CNTN3: variants seen among roughly 807,000 people sequenced by gnomAD.
CNTN3 encodes contactin-3.
A neutral mutation model predicts 119.1 loss-of-function variants in CNTN3; 60 were observed. The observed-to-expected ratio is 0.50, with a 90% confidence interval of 0.41 to 0.62. CNTN3 has a LOEUF of 0.62. CNTN3 is among the 20% of genes least tolerant of loss of function. The pLI, the probability that CNTN3 is intolerant of heterozygous loss-of-function variation, is 0.00. For missense variants in CNTN3, 1,101 were observed against 1,242.4 expected, an observed-to-expected ratio of 0.89 and a Z score of 1.71; for synonymous variants, 450 against 438.7, an observed-to-expected ratio of 1.03 and a Z score of -0.32.
At chr3:74,302,594 C>T (rs916944603) in intron 14 of CNTN3, 96 bp downstream of exon 14, 6 of 722,538 alleles carry the variant, frequency 8.3e-6, no homozygotes, top group African/African-American at 5.2e-5. Context: ...TATTATAACT[C>T]GTATGCTCAC....
At chr3:74,403,996 T>TCTATTCTG (rs373965711) in intron 5 of CNTN3, among the ~76,000 whole-genome samples, 4 of 152,126 alleles carry the variant, frequency 2.6e-5, no homozygotes, top group African/African-American at 9.7e-5. Context: ...AATACTTTCA[T>TCTATTCTG]CTATTCTGCT....
At chr3:74,338,424 A>ATATACATACATATGTGTATACATATG (rs1559553715) in intron 11 of CNTN3, among the ~76,000 whole-genome samples, 7 of 150,186 alleles carry the variant, frequency 4.7e-5, no homozygotes, top group African/African-American at 1.8e-4. Flanking sequence ...GTATACATAT[A>ATATACATACATATGTGTATACATATG]TGTGTATATA....
intron 1 of CNTN3, among the ~76,000 whole-genome samples, chr3:74,539,347 T>A (rs1042304610): frequency 2.0e-5 from 3 of 152,132 alleles, no homozygotes; most frequent in Admixed American, 2.0e-4. Flanking sequence ...TTACTGACTA[T>A]CTTGTGCCCA....
At chr3:74,484,055 T>C (rs1163436765) in intron 4 of CNTN3, among the ~76,000 whole-genome samples, 3 of 152,144 alleles carry the variant, frequency 2.0e-5, no homozygotes, top group Non-Finnish European at 2.9e-5. Flanking sequence ...TAAGAATCCA[T>C]AGTAGAAAAA....
chr3:74,323,081 T>C (rs1703035307), intron 13 of CNTN3, among the ~76,000 whole-genome samples: 1 of 152,212 alleles, frequency 6.6e-6, no homozygotes, highest in East Asian at 1.9e-4. Flanking sequence ...CATGCCATTA[T>C]ACACTTGCAC....
intron 13 of CNTN3, among the ~76,000 whole-genome samples, chr3:74,321,209 C>T (rs1326222960): frequency 6.6e-6 from 1 of 152,254 alleles, no homozygotes; most frequent in East Asian, 1.9e-4. Flanking sequence ...GATTCAAATA[C>T]TCCAAACCTT....
At chr3:74,353,549 G>C (rs1422825329) in intron 11 of CNTN3, among the ~76,000 whole-genome samples, 1 of 152,188 alleles carries the variant, frequency 6.6e-6, no homozygotes, top group Non-Finnish European at 1.5e-5. Context: ...GAGGTCAGGA[G>C]ATCGAGACCA....
At chr3:74,312,586 G>T (rs907553756) in intron 13 of CNTN3, among the ~76,000 whole-genome samples, 5 of 151,546 alleles carry the variant, frequency 3.3e-5, no homozygotes. Flanking sequence ...CCTGTTCCAC[G>T]TAAGAAGGGA....
chr3:74,459,487 G>A (rs558353636), intron 4 of CNTN3, among the ~76,000 whole-genome samples: 8 of 152,010 alleles, frequency 5.3e-5, no homozygotes, highest in African/African-American at 1.9e-4. Context: ...CTTCTGAAGG[G>A]GTGCAAGATC....
intron 13 of CNTN3, among the ~76,000 whole-genome samples, chr3:74,310,301 T>G (rs1476706493): frequency 4.6e-5 from 7 of 152,248 alleles, no homozygotes; most frequent in African/African-American, 1.7e-4. Context: ...CAATTTACTT[T>G]GAGTTTCAAT....
chr3:74,487,916 G>T (rs115880389), intron 3 of CNTN3, among the ~76,000 whole-genome samples: 1 of 150,874 alleles, frequency 6.6e-6, no homozygotes, highest in African/African-American at 2.4e-5. Context: ...TACAGTTGAC[G>T]TTTATAATTT....
In CNTN3 at chr3:74,285,322, A is replaced by G; in HGVS notation, c.2687T>C (p.Val896Ala). ...GAGPFSATVN[V>A]TTKKTPPSQP... is the part of the protein sequence containing the mutation. The stretch of plus-strand genomic sequence containing the variant: ...ATACTTACGCGTTTTCTTGGTGGTT[A>G]CATTAACTGTGGCGCTAAAAGGCCC... Residue 896 changes from valine to alanine, a missense_variant, in exon 20 of 23, where the codon GTA becomes GCA. Coordinates refer to ENST00000263665, the MANE Select transcript of CNTN3 (RefSeq NM_020872.3). The G allele has an allele frequency of 6.2e-7, 1 of 1,603,854 alleles. No homozygotes were observed. Among genetic ancestry groups the G allele is most frequent in the East Asian group, 2.2e-5 (1 of 44,622 alleles).
chr3:74,412,136 C>A (rs944848225), intron 5 of CNTN3, among the ~76,000 whole-genome samples: 3 of 152,150 alleles, frequency 2.0e-5, no homozygotes, highest in Admixed American at 2.0e-4. Context: ...CTTTAGCTGA[C>A]ATCTGTCAAC....
intron 1 of CNTN3, among the ~76,000 whole-genome samples, chr3:74,577,204 GACAA>G (rs1704432325): frequency 6.6e-6 from 1 of 152,112 alleles, no homozygotes; most frequent in Non-Finnish European, 1.5e-5. Flanking sequence ...TAGATGAATG[GACAA>G]ACTAATATCA....
chr3:74,611,908 C>T (rs1705088697), intron 1 of CNTN3, among the ~76,000 whole-genome samples: 1 of 152,088 alleles, frequency 6.6e-6, no homozygotes, highest in Non-Finnish European at 1.5e-5. Flanking sequence ...TCAATAAATC[C>T]TCCTGCCATC....
intron 4 of CNTN3, among the ~76,000 whole-genome samples, chr3:74,475,252 GT>G (rs1273134701): frequency 2.2e-4 from 33 of 152,254 alleles, no homozygotes; most frequent in Admixed American, 1.8e-3. Flanking sequence ...TAGAATTCTA[GT>G]TCCACAAATA....
chr3:74,316,812 C>T (rs1702841198), intron 13 of CNTN3, among the ~76,000 whole-genome samples: 1 of 151,822 alleles, frequency 6.6e-6, no homozygotes, highest in Non-Finnish European at 1.5e-5. Context: ...CCTGTAGTCC[C>T]AGCTACTCGG....
chr3:74,267,704 A>T (rs1452826709), intron 20 of CNTN3, among the ~76,000 whole-genome samples: 1 of 152,124 alleles, frequency 6.6e-6, no homozygotes, highest in African/African-American at 2.4e-5. Flanking sequence ...CATGCTCATC[A>T]TACACTTTAG....
At chr3:74,372,258 C>T (rs1575668108) in intron 5 of CNTN3, among the ~76,000 whole-genome samples, 1 of 152,088 alleles carries the variant, frequency 6.6e-6, no homozygotes, top group East Asian at 1.9e-4. Context: ...AGTAGGGCCT[C>T]AATAAAGATT....
Sources: gnomAD v4.1 joint callset for allele counts (sites outside exome capture counted in the v4.1 genomes callset) on GRCh38, gnomAD v4.1.1 for gene constraint, MANE v1.5 for transcripts, NCBI Gene and HGNC (gene_info 2026-07-23, HGNC 2026-07-21) for gene names.